Variants in ACOT11 observed in about 807,000 individuals in gnomAD.
The protein encoded by ACOT11 is acyl-CoA thioesterase 11, also known as acyl-coenzyme A thioesterase 11.
In ACOT11, 69 loss-of-function variants were observed where a neutral mutation model predicts 77.5. The ratio of observed to expected loss-of-function variants is 0.89; its 90% confidence interval spans 0.73 to 1.09. The LOEUF is 1.09. ACOT11 is among the 50% of genes least tolerant of loss of function. The pLI is 0.00. For missense variants in ACOT11, 766 were observed against 813.7 expected (o/e 0.94, Z 0.71); for synonymous variants, 279 against 313.0 (o/e 0.89, Z 1.15).
At chr1:54,614,499 GATA>G (rs1259077430), downstream of ACOT11, among the ~76,000 whole-genome samples, 1 of 152,168 alleles carries the variant, frequency 6.6e-6, no homozygotes, top group Admixed American at 6.5e-5. Context: ...GTTTCTAGGA[GATA>G]ATGACTGGCC....
chr1:54,567,207 C>T (rs521675), intron 1 of ACOT11, among the ~76,000 whole-genome samples: 15,614 of 151,652 alleles, frequency 0.1, 893 homozygotes, highest in East Asian at 0.17. Context: ...AACTCAGTAA[C>T]CAGTACCACC....
downstream of ACOT11, chr1:54,610,890 T>C: frequency 1.0e-6 from 1 of 985,342 alleles, no homozygotes; most frequent in Non-Finnish European, 1.2e-6. Flanking sequence ...GCGGCTCTTC[T>C]GGGTTCGGGG....
At chr1:54,605,527 G>A (rs917764919) in intron 13 of ACOT11, among the ~76,000 whole-genome samples, 4 of 152,046 alleles carry the variant, frequency 2.6e-5, no homozygotes, top group Non-Finnish European at 4.4e-5. Context: ...TTGGATGGCG[G>A]GTCATGGATT....
chr1:54,593,248 C>T (rs1012066690), intron 4 of ACOT11, among the ~76,000 whole-genome samples: 14 of 152,044 alleles, frequency 9.2e-5, no homozygotes, highest in Non-Finnish European at 1.6e-4. Context: ...CTCAGGTACC[C>T]CCAGGTGCCT....
chr1:54,597,571 AC>A, intron 7 of ACOT11, 156 bp downstream of exon 7: 2 of 955,578 alleles, frequency 2.1e-6, no homozygotes, highest in Non-Finnish European at 3.0e-6. Flanking sequence ...TTGTGAACTG[AC>A]CATTCCTTGT....
At chr1:54,628,971 A>C (rs1423227791) in intron 15 of ACOT11, among the ~76,000 whole-genome samples, 4 of 127,848 alleles carry the variant, frequency 3.1e-5, no homozygotes, top group Admixed American at 8.2e-5. Flanking sequence ...AGGGAGGAGA[A>C]TCACTTGAAC....
In ACOT11 at chr1:54,604,435, T is replaced by C; in HGVS notation, c.1236+6T>C. 1 of 1,613,808 alleles carries C rather than the reference T, an allele frequency of 6.2e-7. No homozygotes were observed. The highest frequency in any genetic ancestry group is 8.5e-7 in the Non-Finnish European group (1 of 1,179,844). ...TGTCCTCGGAGATCAGTCAGGTAGC[T>C]GACCCCACCCACCCAATTTTCCTTT... On this transcript the variant is annotated splice_donor_region_variant and intron_variant, in intron 12 of 15. Transcript: ENST00000343744.
chr1:54,599,349 G>A lies in ACOT11; in HGVS notation c.818G>A (p.Arg273Gln), dbSNP rs200922642. ...AAGGCCATTGAAATGTTCCACTTCC[G>A]AGGCCCGTCCCAGGTCGGCGACCGT... ...TLKAIEMFHFRGPSQVGDRLV... is the reference protein window; with the variant it reads ...TLKAIEMFHFQGPSQVGDRLV... Residue 273 changes from arginine (R) to glutamine (Q), a missense_variant, in exon 8 of 16, where the codon CGA becomes CAA. Physicochemically the swap from Arg to Gln is conservative, Grantham distance 43 (BLOSUM62 1). Transcript: ENST00000343744. 2.4e-4 allele frequency: 383 copies of A among 1,608,618 alleles called. 1 individual carries two copies. The Admixed American group carries it at 6.0e-3, about 25-fold the overall frequency.
chr1:54,585,757 C>T, intron 2 of ACOT11, 78 bp from the exon 3 acceptor site: 1 of 1,503,530 alleles, frequency 6.7e-7, no homozygotes, highest in Non-Finnish European at 9.2e-7. Context: ...GGAGAAGCCT[C>T]CTGAGGAGGT....
At chr1:54,611,566 G>T (rs759857960), downstream of ACOT11, 6 of 1,608,234 alleles carry the variant, frequency 3.7e-6, no homozygotes, top group Non-Finnish European at 4.3e-6. Flanking sequence ...GCTCCATGCA[G>T]AATCCAGCCC....
chr1:54,557,175 C>G (rs1653286285), intron 1 of ACOT11, among the ~76,000 whole-genome samples: 1 of 151,854 alleles, frequency 6.6e-6, no homozygotes, highest in Non-Finnish European at 1.5e-5. Flanking sequence ...AGGCAGATCA[C>G]AAGGTCAGGA....
chr1:54,614,912 A>T, downstream of ACOT11: 1 of 1,577,394 alleles, frequency 6.3e-7, no homozygotes, highest in Admixed American at 1.7e-5. Flanking sequence ...CTAGGAATAC[A>T]TGACTCCCTG....
In ACOT11 at chr1:54,585,894, C is replaced by T. The variant is rs199689704; in HGVS notation, c.301C>T (p.His101Tyr). Residue 101 changes from histidine (H) to tyrosine (Y), a missense_variant, in exon 3 of 16, where the codon CAC becomes TAC. Transcript: ENST00000343744. ...TASMDDIYFE[H>Y]TISVGQVVNI... ...TTCCATGGATGACATCTATTTTGAG[C>T]ACACCATTAGGTAAGTGGCCCCTCC... The T allele has an allele frequency of 1.1e-5, 17 of 1,613,966 alleles. No homozygotes were observed. The highest frequency in any genetic ancestry group is 1.4e-5 in the Non-Finnish European group (17 of 1,179,984).
Position 54,602,641 on chromosome 1 carries a change from T to C in ACOT11, c.1030-28T>C, listed in dbSNP as rs772015275. 19 of 1,502,886 alleles carry C rather than the reference T, an allele frequency of 1.3e-5. No homozygotes were observed. The Middle Eastern group carries it at 8.8e-4, about 70-fold the overall frequency. The allele number at this position is 1,502,886 out of a possible 1,614,324, so 93.1% of individuals were successfully genotyped here. On this transcript the variant is annotated intron_variant, in intron 9 of 15. Transcript: ENST00000343744. ...GGGCAGGACGGAGGGTGGGGGTAGCTGGTTGCCTATCCCGACTTCCTCCCC... is the reference window on the plus strand; with the variant it reads ...GGGCAGGACGGAGGGTGGGGGTAGCCGGTTGCCTATCCCGACTTCCTCCCC...
rs773143384 is a variant in ACOT11, at chr1:54,594,625, C to T, written c.541C>T (p.Arg181Trp). 129 of 1,614,002 alleles carry T rather than the reference C, an allele frequency of 8.0e-5. No homozygotes were observed. Among genetic ancestry groups the T allele is most frequent in the Non-Finnish European group, 3.4e-5 (40 of 1,180,010 alleles). Residue 181 changes from arginine to tryptophan, a missense_variant, in exon 6 of 16, where the codon CGG (arginine) becomes TGG (tryptophan). Transcript: ENST00000343744. ...KMEHSVAAER[R>W]RMRLVYADTI... is the part of the protein sequence containing the mutation. ...GGAGCACAGTGTGGCGGCTGAGCGC[C>T]GGCGCATGCGCCTTGTCTATGCAGA...
chr1:54,580,478 C>A (rs894613992), intron 1 of ACOT11, among the ~76,000 whole-genome samples: 2 of 152,342 alleles, frequency 1.3e-5, no homozygotes, highest in South Asian at 4.1e-4. Flanking sequence ...TTCCCACCTG[C>A]TCTCATTTGC....
chr1:54,568,209 C>G (rs556787836), intron 1 of ACOT11, among the ~76,000 whole-genome samples: 1 of 152,150 alleles, frequency 6.6e-6, no homozygotes, highest in Admixed American at 6.5e-5. Flanking sequence ...GATTACACAG[C>G]CTAAAGAAGC....
intron 1 of ACOT11, chr1:54,572,967 G>A (rs1041153248): frequency 1.1e-5 from 11 of 985,448 alleles, no homozygotes; most frequent in Non-Finnish European, 1.2e-5. Context: ...CTGAGAGTTT[G>A]CAATTTCCTC....
intron 4 of ACOT11, 145 bp from the exon 5 acceptor site, chr1:54,593,796 T>G: frequency 1.5e-6 from 1 of 670,014 alleles, no homozygotes; most frequent in Non-Finnish European, 2.6e-6. Flanking sequence ...CCCTCAGATC[T>G]CTGGCCTCCC....
Sources: allele counts gnomAD v4.1 joint callset (sites outside exome capture counted in the v4.1 genomes callset), GRCh38; gene constraint gnomAD v4.1.1; transcripts MANE v1.5; gene names NCBI Gene and HGNC (gene_info 2026-07-23, HGNC 2026-07-21).